The following CLDN14 variants were observed in gnomAD, a reference collection of about 807,000 sequenced individuals.
CLDN14 encodes the protein claudin 14.
Under a neutral mutation model 2.1 loss-of-function variants are expected in CLDN14, and 2 were observed. The observed-to-expected ratio is 0.96, with a 90% CI of 0.39 to 3.01. CLDN14 has a LOEUF of 3.01. Ranked by LOEUF, CLDN14 falls within the 30% of genes most tolerant of loss-of-function variation. The probability of loss-of-function intolerance (pLI) is 0.09; values close to 1 mark genes in which losing one functional copy is unlikely to be tolerated. For missense variants in CLDN14, 298 were observed against 328.0 expected, an observed-to-expected ratio of 0.91 and a Z score of 0.71; for synonymous variants, 136 against 154.4, an observed-to-expected ratio of 0.88 and a Z score of 0.88.
At chr21:36,487,242 C>T (rs2086907644) in intron 2 of CLDN14, 1 of 196,332 alleles carries the variant, frequency 5.1e-6, no homozygotes, top group Admixed American at 5.7e-5. Context: ...CTCGGCCTCT[C>T]AAAGTGCTGG....
intron 1 of CLDN14, among the ~76,000 whole-genome samples, chr21:36,533,526 A>G (rs2087398475): frequency 6.6e-6 from 1 of 152,180 alleles, no homozygotes; most frequent in South Asian, 2.1e-4. Flanking sequence ...TAAAATGGTG[A>G]TTACGTAGAC....
chr21:36,515,690 T>A (rs900931139), intron 1 of CLDN14, among the ~76,000 whole-genome samples: 31 of 148,326 alleles, frequency 2.1e-4, no homozygotes, highest in African/African-American at 6.4e-4. Context: ...AAAAAAAAAA[T>A]TTCTACTTAC....
rs1252545308 is a variant in CLDN14, at chr21:36,544,559, C to G, written c.-220+31852G>C. Among the ~76,000 whole-genome samples the G allele has an allele frequency of 6.6e-6, 1 of 152,220 alleles. No homozygotes were observed. The highest frequency in any genetic ancestry group is 1.5e-5 in the Non-Finnish European group (1 of 68,046). On this transcript the variant is annotated intron_variant, in intron 1 of 2. Coordinates refer to the CLDN14 transcript ENST00000342108. The surrounding 1 kb of genome is among the most constrained non-coding windows in gnomAD (Gnocchi z 4.1). ...GGGAGAATTTGAATTTTCCTGTGCA[C>G]TAACCACAGGCATCCCCTCCTCCAG...
intron 1 of CLDN14, among the ~76,000 whole-genome samples, chr21:36,539,565 AGT>A (rs1478333247): frequency 5.8e-5 from 6 of 103,112 alleles, no homozygotes; most frequent in East Asian, 3.3e-4. Context: ...GTGTGGAGTG[AGT>A]GTGTGCAGTT....
At chr21:36,546,450 GTC>G (rs1414830599) in intron 1 of CLDN14, among the ~76,000 whole-genome samples, 1 of 152,088 alleles carries the variant, frequency 6.6e-6, no homozygotes, top group Non-Finnish European at 1.5e-5. Context: ...AACTAATCAT[GTC>G]ATTTCTTTGG....
chr21:36,523,785 A>AGAGAG (rs1568868868), intron 1 of CLDN14, among the ~76,000 whole-genome samples: 1 of 7,958 alleles, frequency 1.3e-4, no homozygotes, highest in African/African-American at 1.7e-4. Flanking sequence ...GAAAGAGAGA[A>AGAGAG]AGAAAGAAAG....
At position 36,499,202 on chromosome 21, in the gene CLDN14, G is replaced by A. The variant is rs948015769; in HGVS notation, c.-82+11161C>T. ...ATGAACCCCGCAACTGCGGGAAACT[G>A]ACCTTCAGCACTTTGATGTGAATGG... On this transcript the variant is annotated intron_variant, in intron 2 of 2. Coordinates refer to the CLDN14 transcript ENST00000342108. The surrounding 1 kb of genome is among the most constrained non-coding windows in gnomAD (Gnocchi z 4.7). Among the ~76,000 whole-genome samples, 1 of 152,228 alleles carries A rather than the reference G, an allele frequency of 6.6e-6. No homozygotes were observed. The highest frequency in any genetic ancestry group is 2.4e-5 in the African/African-American group (1 of 41,468).
At chr21:36,561,833 T>C (rs415124) in intron 1 of CLDN14, among the ~76,000 whole-genome samples, 113,376 of 151,984 alleles carry the variant, frequency 0.75, 43,879 homozygotes, top group Non-Finnish European at 0.87. Context: ...GAGCAGGCAC[T>C]ACTCCCTCCT....
chr21:36,564,344 A>G (rs962765849), intron 1 of CLDN14, among the ~76,000 whole-genome samples: 4 of 152,252 alleles, frequency 2.6e-5, no homozygotes, highest in African/African-American at 9.6e-5. Context: ...CGCTAAGCCA[A>G]CAAAAGCCAT....
chr21:36,472,990 C>T (rs985512689), intron 1 of CLDN14, among the ~76,000 whole-genome samples: 3 of 152,230 alleles, frequency 2.0e-5, no homozygotes, highest in Non-Finnish European at 4.4e-5. Context: ...GAGCAAGAAA[C>T]TCTCTCCAAC....
chr21:36,502,391 G>T (rs967487236), intron 2 of CLDN14, among the ~76,000 whole-genome samples: 1 of 152,168 alleles, frequency 6.6e-6, no homozygotes, highest in African/African-American at 2.4e-5. Flanking sequence ...GGGGTCAAGA[G>T]CATTATGCCA....
chr21:36,499,634 C>T lies in CLDN14; in HGVS notation c.-82+10729G>A, dbSNP rs1454533776. Among the ~76,000 whole-genome samples the T allele has an allele frequency of 6.6e-6, 1 of 152,178 alleles. No homozygotes were observed. The highest frequency in any genetic ancestry group is 2.4e-5 in the African/African-American group (1 of 41,436). Reference sequence around the variant, plus strand: ...AGGTTAGGAATCTGTGGTTTTATGTCAGCCCCTGTTCCAGTCCACGTGACT... The same window carrying T: ...AGGTTAGGAATCTGTGGTTTTATGTTAGCCCCTGTTCCAGTCCACGTGACT... On this transcript the variant is annotated intron_variant, in intron 2 of 2. Transcript: ENST00000342108. This position sits in a 1 kb window ranked among gnomAD's most constrained non-coding sequence, Gnocchi z 4.7.
rs77773244 is a variant in CLDN14 at position 36,493,119 on chromosome 21, G to A, written c.-82+17244C>T. 1.3e-5 allele frequency among the ~76,000 whole-genome samples: 2 copies of A among 152,262 alleles called. 1 individual carries two copies. Among genetic ancestry groups the A allele is most frequent in the South Asian group, 4.2e-4 (2 of 4,794 alleles). The stretch of plus-strand genomic sequence containing the variant: ...GAGCACGTGTTTTGTTTACCGGTTT[G>A]TTTTTCTGCCCGCCCCCGGGGAGGA... On this transcript the variant is annotated intron_variant, in intron 2 of 2. Transcript: ENST00000342108.
At chr21:36,485,524 G>A (rs541930056) in intron 2 of CLDN14, among the ~76,000 whole-genome samples, 5 of 151,982 alleles carry the variant, frequency 3.3e-5, no homozygotes, top group South Asian at 2.1e-4. Context: ...TCTGATTTTC[G>A]TTAGGATCAG....
intron 1 of CLDN14, among the ~76,000 whole-genome samples, chr21:36,570,107 G>C (rs2087699079): frequency 6.6e-6 from 1 of 152,184 alleles, no homozygotes; most frequent in African/African-American, 2.4e-5. Flanking sequence ...CAACTCCGGG[G>C]ATGGCTTTCA....
intron 1 of CLDN14, among the ~76,000 whole-genome samples, chr21:36,541,257 A>G (rs1222137689): frequency 6.6e-6 from 1 of 152,222 alleles, no homozygotes; most frequent in African/African-American, 2.4e-5. Flanking sequence ...AGGGCTTATC[A>G]TGTATTAAGC....
In CLDN14 at chr21:36,488,283, T is replaced by C. The variant is rs928973079; in HGVS notation, c.-82+22080A>G. ...CTTCCTTCCTTCCTTCCCTCTCTCTTTCTTTTTGAGACAGAGTCTCACTCT... is the reference window on the plus strand; with the variant it reads ...CTTCCTTCCTTCCTTCCCTCTCTCTCTCTTTTTGAGACAGAGTCTCACTCT... On this transcript the variant is annotated intron_variant, in intron 2 of 2. Transcript: ENST00000342108. Among the ~76,000 whole-genome samples, 501 of 139,338 alleles carry C rather than the reference T, an allele frequency of 3.6e-3. 1 individual carries two copies. The highest frequency in any genetic ancestry group is 0.013 in the African/African-American group (481 of 37,360). 91.4% of individuals were successfully genotyped at this position (139,338 alleles called of 152,430 possible).
intron 1 of CLDN14, among the ~76,000 whole-genome samples, chr21:36,469,430 CAG>C (rs1490556501): frequency 6.6e-6 from 1 of 152,138 alleles, no homozygotes; most frequent in Non-Finnish European, 1.5e-5. Context: ...CCATGAGAGG[CAG>C]AGACGGGATA....
At chr21:36,562,260 G>C (rs1367464657) in intron 1 of CLDN14, among the ~76,000 whole-genome samples, 1 of 152,086 alleles carries the variant, frequency 6.6e-6, no homozygotes, top group Non-Finnish European at 1.5e-5. Context: ...GCAGGGTATG[G>C]CTTTCTATGG....
Sources: allele counts gnomAD v4.1 joint callset (sites outside exome capture counted in the v4.1 genomes callset), GRCh38; gene constraint gnomAD v4.1.1; non-coding constraint Gnocchi (gnomAD v3.1); transcripts MANE v1.5; gene names NCBI Gene and HGNC (gene_info 2026-07-23, HGNC 2026-07-21).